CENPI: variants seen among roughly 807,000 people sequenced by gnomAD.
CENPI encodes centromere protein I.
CENPI carries 4 observed loss-of-function variants against 60.4 expected under a neutral mutation model. That is an observed-to-expected ratio of 0.07 (90% CI 0.03 to 0.15). CENPI has a LOEUF of 0.15. Among genes scored for constraint, CENPI ranks in the 10% least tolerant of loss-of-function variants. The pLI, the probability that CENPI is intolerant of heterozygous loss-of-function variation, is 1.00. For missense variants in CENPI, 444 were observed against 534.5 expected, an observed-to-expected ratio of 0.83 and a Z score of 1.67; for synonymous variants, 157 against 189.4, an observed-to-expected ratio of 0.83 and a Z score of 1.40.
chrX:101,128,321 G>A (rs2089757636), intron 11 of CENPI, among the ~76,000 whole-genome samples: 1 of 109,276 alleles, frequency 9.2e-6, no homozygotes, highest in African/African-American at 3.3e-5. Flanking sequence ...CAACAAGAGC[G>A]AAACTCTGTC....
chrX:101,173,222 G>A, the CENPI span, among the ~76,000 whole-genome samples: 14 of 107,429 alleles, frequency 1.3e-4, no homozygotes, highest in African/African-American at 4.7e-4. Context: ...CACCATGTTG[G>A]CCAGGATGGT....
chrX:101,166,132 T>A (rs2148275030), downstream of CENPI, among the ~76,000 whole-genome samples: 1 of 112,201 alleles, frequency 8.9e-6, no homozygotes, highest in Non-Finnish European at 1.9e-5. Flanking sequence ...CTGGATACCT[T>A]TTTTTGTGCC....
intron 6 of CENPI, among the ~76,000 whole-genome samples, chrX:101,111,196 C>T (rs983950256): frequency 9.1e-6 from 1 of 110,259 alleles, no homozygotes; most frequent in African/African-American, 3.3e-5. Flanking sequence ...TCTAGTAGTT[C>T]CCAACAATGT....
intron 6 of CENPI, among the ~76,000 whole-genome samples, chrX:101,114,877 G>T (rs1380118730): frequency 9.0e-6 from 1 of 111,189 alleles, no homozygotes; most frequent in Non-Finnish European, 1.9e-5. Context: ...CTGACCTCAG[G>T]TGATTCGCCT....
chrX:101,114,315 T>C (rs1311911307), intron 6 of CENPI, among the ~76,000 whole-genome samples: 1 of 112,252 alleles, frequency 8.9e-6, no homozygotes, highest in Non-Finnish European at 1.9e-5. Flanking sequence ...TTAATTCACA[T>C]ACCATACAAT....
intron 7 of CENPI, 27 bp downstream of exon 7, chrX:101,120,477 A>G (rs368954387): frequency 3.8e-6 from 3 of 793,352 alleles, no homozygotes; most frequent in African/African-American, 2.0e-5. Context: ...CAGTTGTATT[A>G]TACTTTGTAG....
chrX:101,153,861 C>A (rs1287037311), intron 20 of CENPI, among the ~76,000 whole-genome samples: 1 of 111,700 alleles, frequency 9.0e-6, no homozygotes, highest in Non-Finnish European at 1.9e-5. Flanking sequence ...AAGATTTACT[C>A]CTCTGTTTTG....
chrX:101,114,641 C>CT (rs760731504), intron 6 of CENPI, among the ~76,000 whole-genome samples: 4 of 111,090 alleles, frequency 3.6e-5, no homozygotes, highest in African/African-American at 3.3e-5. Context: ...TGTATTAGTA[C>CT]TTTTTTTTTC....
At chrX:101,146,431 G>A (rs1459765441) in intron 18 of CENPI, among the ~76,000 whole-genome samples, 154 bp downstream of exon 18, 1 of 111,238 alleles carries the variant, frequency 9.0e-6, no homozygotes, top group Non-Finnish European at 1.9e-5. Flanking sequence ...TCCGATATGG[G>A]GCCATGGTAG....
chrX:101,166,599 A>G (rs1012499243), downstream of CENPI, among the ~76,000 whole-genome samples: 1 of 112,709 alleles, frequency 8.9e-6, no homozygotes, highest in Admixed American at 9.4e-5. Flanking sequence ...TTGGTGCAAA[A>G]CATGTCTAGA....
intron 20 of CENPI, among the ~76,000 whole-genome samples, chrX:101,153,275 T>A (rs1392976980): frequency 9.4e-6 from 1 of 106,326 alleles, no homozygotes; most frequent in Non-Finnish European, 1.9e-5. Flanking sequence ...TTAAATTTTT[T>A]AAAAAGTTTT....
At chrX:101,174,453 T>C in the CENPI span, among the ~76,000 whole-genome samples, 9 of 112,228 alleles carry the variant, frequency 8.0e-5, no homozygotes, top group Admixed American at 2.8e-4. Context: ...AAAGAAAATA[T>C]GACACATACA....
chrX:101,115,631 T>C (rs982407994), intron 6 of CENPI, among the ~76,000 whole-genome samples: 11 of 111,638 alleles, frequency 9.9e-5, no homozygotes, highest in African/African-American at 3.3e-4. Flanking sequence ...CCCAAAGTGC[T>C]GGAATTATAG....
intron 3 of CENPI, among the ~76,000 whole-genome samples, chrX:101,101,604 C>T (rs1319337872): frequency 9.1e-6 from 1 of 110,112 alleles, no homozygotes; most frequent in East Asian, 2.8e-4. Context: ...TGATGTCAGG[C>T]ATCTACTCTT....
intron 4 of CENPI, among the ~76,000 whole-genome samples, chrX:101,106,278 G>T (rs1416381792): frequency 9.0e-5 from 10 of 111,599 alleles, no homozygotes; most frequent in African/African-American, 2.9e-4. Flanking sequence ...TTATTTTTGT[G>T]ATTCATTACC....
At chrX:101,133,510 A>T (rs949894951) in intron 15 of CENPI, among the ~76,000 whole-genome samples, 7 of 108,838 alleles carry the variant, frequency 6.4e-5, no homozygotes, top group Admixed American at 5.1e-4. Context: ...ATGCATATAC[A>T]CATTCAGACA....
chrX:101,137,629 G>A (rs1356137729), intron 15 of CENPI, among the ~76,000 whole-genome samples: 1 of 111,412 alleles, frequency 9.0e-6, no homozygotes, highest in Non-Finnish European at 1.9e-5. Flanking sequence ...AAGATAAAGT[G>A]TAAAGGATGC....
chrX:101,135,726 GT>G (rs1328483552), intron 15 of CENPI, among the ~76,000 whole-genome samples: 15 of 108,535 alleles, frequency 1.4e-4, no homozygotes, highest in Non-Finnish European at 1.7e-4. Flanking sequence ...GTATATTATG[GT>G]TTTTTTTTTC....
intron 13 of CENPI, among the ~76,000 whole-genome samples, chrX:101,130,441 A>G (rs1234517433): frequency 3.6e-5 from 4 of 112,024 alleles, no homozygotes; most frequent in African/African-American, 6.5e-5. Flanking sequence ...CTCAAAAACA[A>G]CAACAACAAA....
Sources: gnomAD v4.1 joint callset for allele counts (sites outside exome capture counted in the v4.1 genomes callset) on GRCh38, gnomAD v4.1.1 for gene constraint, MANE v1.5 for transcripts, NCBI Gene and HGNC (gene_info 2026-07-23, HGNC 2026-07-21) for gene names.